The following TLK2 variants were observed in gnomAD, a reference collection of about 807,000 sequenced individuals.
TLK2 encodes the protein serine/threonine-protein kinase tousled-like 2.
A neutral mutation model predicts 117.3 loss-of-function variants in TLK2; 6 were observed. The observed-to-expected ratio is 0.05, with a 90% CI of 0.03 to 0.10. The LOEUF (loss-of-function observed/expected upper bound fraction) is 0.10. Among genes scored for constraint, TLK2 ranks in the 10% least tolerant of loss-of-function variants. The pLI, the probability that TLK2 is intolerant of heterozygous loss-of-function variation, is 1.00. For missense variants in TLK2, 299 were observed against 901.2 expected, an observed-to-expected ratio of 0.33 and a Z score of 8.56; for synonymous variants, 257 against 316.7, an observed-to-expected ratio of 0.81 and a Z score of 2.00.
chr17:62,513,362 G>A (rs1281682453), intron 2 of TLK2, among the ~76,000 whole-genome samples: 1 of 79,902 alleles, frequency 1.3e-5, no homozygotes, highest in African/African-American at 5.2e-5. Flanking sequence ...TTATTCTGTT[G>A]CCCAGGCTGG....
At chr17:62,564,065 C>T (rs2146419406) in intron 10 of TLK2, among the ~76,000 whole-genome samples, 1 of 152,232 alleles carries the variant, frequency 6.6e-6, no homozygotes, top group Non-Finnish European at 1.5e-5. Flanking sequence ...AAGAGCTAGG[C>T]ATTGATGTGG....
intron 2 of TLK2, chr17:62,516,419 G>A (rs2075595319): frequency 1.3e-6 from 2 of 1,590,514 alleles, no homozygotes; most frequent in Non-Finnish European, 1.7e-6. Context: ...TCGGCACCAG[G>A]TAGCACAGCA....
chr17:62,561,803 A>C (rs1386731553), intron 10 of TLK2, among the ~76,000 whole-genome samples: 1 of 152,218 alleles, frequency 6.6e-6, no homozygotes, highest in Non-Finnish European at 1.5e-5. Flanking sequence ...GCTAATCCAG[A>C]TAATTTCTTT....
chr17:62,565,892 T>G (rs565754852), intron 11 of TLK2, among the ~76,000 whole-genome samples: 1 of 152,230 alleles, frequency 6.6e-6, no homozygotes, highest in Non-Finnish European at 1.5e-5. Flanking sequence ...ACTGAAGAAC[T>G]TTATAGGACA....
At chr17:62,591,238 G>T (rs1444072223) in intron 16 of TLK2, among the ~76,000 whole-genome samples, 1 of 151,964 alleles carries the variant, frequency 6.6e-6, no homozygotes, top group Non-Finnish European at 1.5e-5. Context: ...GCCAGAGCAA[G>T]ACTGTCTTAA....
intron 9 of TLK2, among the ~76,000 whole-genome samples, chr17:62,559,743 C>T (rs1463698186): frequency 1.3e-5 from 2 of 152,060 alleles, no homozygotes; most frequent in African/African-American, 4.8e-5. Context: ...GTAGCTGTAA[C>T]TGGTTATTGG....
chr17:62,587,268 T>C lies in TLK2; in HGVS notation c.1460+1042T>C, dbSNP rs183470349. Among the ~76,000 whole-genome samples the C allele has an allele frequency of 1.4e-4, 21 of 152,346 alleles. No individual in the cohort carries two copies. The East Asian group carries it at 4.0e-3, about 29-fold the overall frequency. ...AGGCTATGCAGACTTAATTTGCTATTAGGTTCCCCACTGGGCTTAGTTTTG... is the reference window on the plus strand; with the variant it reads ...AGGCTATGCAGACTTAATTTGCTATCAGGTTCCCCACTGGGCTTAGTTTTG... On this transcript the variant is annotated intron_variant, in intron 16 of 21. Transcript: ENST00000346027.
rs774353210 is a variant in TLK2 at position 62,564,984 on chromosome 17, T to G, written c.832-17T>G. On this transcript the variant is annotated splice_polypyrimidine_tract_variant and intron_variant, in intron 10 of 21. Transcript: ENST00000346027. ...CTAATTGGTATTGAATTCCTTTTTTTGTCTGTTTCCCCTAAGTCAAAACAA... is the reference window on the plus strand; with the variant it reads ...CTAATTGGTATTGAATTCCTTTTTTGGTCTGTTTCCCCTAAGTCAAAACAA... 4.3e-5 allele frequency: 69 copies of G among 1,592,238 alleles called. No homozygotes were observed. The highest frequency in any genetic ancestry group is 5.8e-5 in the Non-Finnish European group (68 of 1,174,330).
At chr17:62,566,119 A>G (rs1050980184) in intron 11 of TLK2, among the ~76,000 whole-genome samples, 2 of 152,150 alleles carry the variant, frequency 1.3e-5, no homozygotes, top group Non-Finnish European at 2.9e-5. Context: ...GTGACTAGCT[A>G]CCGTTAGCTT....
chr17:62,575,021 T>G (rs1437356468), intron 12 of TLK2, among the ~76,000 whole-genome samples: 1 of 152,238 alleles, frequency 6.6e-6, no homozygotes, highest in Non-Finnish European at 1.5e-5. Context: ...CTGTGTGTAT[T>G]TTGTGAAGGG....
At chr17:62,480,045 C>CT (rs1271863135) in intron 1 of TLK2, among the ~76,000 whole-genome samples, 1 of 152,218 alleles carries the variant, frequency 6.6e-6, no homozygotes, top group African/African-American at 2.4e-5. Flanking sequence ...GTGGGTGAAA[C>CT]TTTAATTTGT....
chr17:62,537,365 C>T (rs1278201460), intron 7 of TLK2, among the ~76,000 whole-genome samples: 1 of 152,232 alleles, frequency 6.6e-6, no homozygotes, highest in Non-Finnish European at 1.5e-5. Context: ...AGATACAACG[C>T]TCCTTGAATA....
In TLK2 at chr17:62,522,281, T is replaced by C. The variant is rs1205693298; in HGVS notation, c.223+8T>C. 1 of 1,609,460 alleles carries C rather than the reference T, an allele frequency of 6.2e-7. No homozygotes were observed. Among genetic ancestry groups the C allele is most frequent in the African/African-American group, 1.3e-5 (1 of 74,662 alleles). On this transcript the variant is annotated splice_region_variant and intron_variant, in intron 4 of 21. Transcript: ENST00000346027. ...CATATGAAACTAGCCAAGGTAGTAA[T>C]AATTTCGTATCAACAAAAGTACTCA...
chr17:62,489,646 A>G (rs2072893604), intron 2 of TLK2, among the ~76,000 whole-genome samples: 1 of 152,164 alleles, frequency 6.6e-6, no homozygotes, highest in Admixed American at 6.6e-5. Context: ...CCCAGCCTGT[A>G]TATTTTCTAG....
chr17:62,533,380 GTGTGTGTGTGTC>G (rs1269472355), intron 6 of TLK2, among the ~76,000 whole-genome samples: 1 of 145,072 alleles, frequency 6.9e-6, no homozygotes, highest in African/African-American at 2.5e-5. Context: ...GTGTGTGTGT[GTGTGTGTGTGTC>G]TGTGTGTGTG....
At chr17:62,548,765 C>G (rs1293798379) in intron 7 of TLK2, among the ~76,000 whole-genome samples, 1 of 151,698 alleles carries the variant, frequency 6.6e-6, no homozygotes, top group Non-Finnish European at 1.5e-5. Context: ...GAGACAGAGT[C>G]TTGATGTGTC....
Position 62,576,795 on chromosome 17 carries a change from C to A in TLK2, c.1188+20C>A, listed in dbSNP as rs568387304. The A allele has an allele frequency of 1.9e-6, 3 of 1,585,584 alleles. No homozygotes were observed. The highest frequency in any genetic ancestry group is 1.7e-4 in the Middle Eastern group (1 of 6,002). ...AAAAAGGTAAGTATAATGAGAAAAT[C>A]TCCCTGGAGAAATGTGATACCTAGT... is the stretch of plus-strand genomic sequence containing the variant. On this transcript the variant is annotated intron_variant, in intron 13 of 21. Coordinates refer to ENST00000346027, the MANE Select transcript of TLK2 (RefSeq NM_006852.6).
chr17:62,596,755 G>T lies in TLK2; in HGVS notation c.1550+81G>T, dbSNP rs563473155. The T allele has an allele frequency of 2.3e-5, 29 of 1,259,258 alleles. No individual in the cohort carries two copies. In the South Asian group the frequency reaches 2.7e-4, roughly 12 times the overall value. 78.0% of individuals were successfully genotyped at this position (1,259,258 alleles called of 1,614,324 possible). A position where few individuals can be genotyped will look rare whatever the true frequency, so the allele number is the denominator to read the frequency against. On this transcript the variant is annotated intron_variant, in intron 17 of 21. Transcript: ENST00000346027. The stretch of plus-strand genomic sequence containing the variant: ...TGTTCATGGAATAGAGCTGAACTCT[G>T]GGTCCAGGACATACCCTCTGAGGGA...
intron 2 of TLK2, among the ~76,000 whole-genome samples, chr17:62,506,847 T>A (rs761934771): frequency 2.0e-5 from 3 of 152,206 alleles, no homozygotes; most frequent in Non-Finnish European, 4.4e-5. Flanking sequence ...AGTAGTTGCA[T>A]ATGGCTAGTG....
Sources: gnomAD v4.1 joint callset for allele counts (sites outside exome capture counted in the v4.1 genomes callset) on GRCh38, gnomAD v4.1.1 for gene constraint, MANE v1.5 for transcripts, NCBI Gene and HGNC (gene_info 2026-07-23, HGNC 2026-07-21) for gene names.